The following BMP5 variants were observed in gnomAD, a reference collection of about 807,000 sequenced individuals.
BMP5 encodes bone morphogenetic protein 5.
Under a neutral mutation model 46.6 loss-of-function variants are expected in BMP5, and 23 were observed. The ratio of observed to expected loss-of-function variants is 0.49; its 90% CI spans 0.35 to 0.70. The LOEUF (loss-of-function observed/expected upper bound fraction) is 0.70. Ranked by LOEUF, BMP5 falls within the 30% of genes least tolerant of loss-of-function variation. The pLI is 0.00. For missense variants in BMP5, 545 were observed against 565.6 expected (o/e 0.96, Z 0.37); for synonymous variants, 204 against 191.9 (o/e 1.06, Z -0.52).
intron 1 of BMP5, among the ~76,000 whole-genome samples, chr6:55,841,033 A>C (rs1776935392): frequency 6.6e-6 from 1 of 152,176 alleles, no homozygotes; most frequent in African/African-American, 2.4e-5. Flanking sequence ...CAGAGCCATT[A>C]GGTTCTCATA....
At chr6:55,764,487 G>T (rs1160632329) in intron 4 of BMP5, among the ~76,000 whole-genome samples, 2 of 151,576 alleles carry the variant, frequency 1.3e-5, no homozygotes, top group African/African-American at 4.8e-5. Flanking sequence ...GCAGGAGAAC[G>T]GCGTGAACCC....
At chr6:55,785,645 A>T (rs1271503042) in intron 3 of BMP5, among the ~76,000 whole-genome samples, 1 of 151,794 alleles carries the variant, frequency 6.6e-6, no homozygotes, top group Non-Finnish European at 1.5e-5. Context: ...ATGTACAGGA[A>T]TTCTCAATGA....
intron 1 of BMP5, among the ~76,000 whole-genome samples, chr6:55,837,779 C>T (rs566418686): frequency 6.6e-6 from 1 of 152,170 alleles, no homozygotes; most frequent in African/African-American, 2.4e-5. Flanking sequence ...TACCCATTAA[C>T]CAAACCATCC....
At chr6:55,818,977 G>C (rs1435178819) in intron 2 of BMP5, among the ~76,000 whole-genome samples, 2 of 152,092 alleles carry the variant, frequency 1.3e-5, no homozygotes, top group Non-Finnish European at 2.9e-5. Context: ...CAGACAGATA[G>C]ATAGATAGAT....
intron 1 of BMP5, among the ~76,000 whole-genome samples, chr6:55,867,138 G>A (rs1023375075): frequency 1.3e-5 from 2 of 152,098 alleles, no homozygotes; most frequent in Admixed American, 1.3e-4. Context: ...GTGGCTCTCT[G>A]GCTTTCAGTG....
chr6:55,795,777 T>A (rs967370368), intron 2 of BMP5, among the ~76,000 whole-genome samples: 3 of 152,206 alleles, frequency 2.0e-5, no homozygotes, highest in Admixed American at 6.5e-5. Context: ...TATTGTCTTT[T>A]CACAATTACA....
At chr6:55,840,154 T>A (rs1268969843) in intron 1 of BMP5, among the ~76,000 whole-genome samples, 1 of 152,122 alleles carries the variant, frequency 6.6e-6, no homozygotes, top group Non-Finnish European at 1.5e-5. Flanking sequence ...ATTTCTTAAT[T>A]TTATTTTCTA....
Position 55,760,301 on chromosome 6 carries a change from T to A in BMP5, c.1104+156A>T, listed in dbSNP as rs578118663. ...TCATGTTTCAATGGTAAAAGGTTAA[T>A]TGAGAAATGAAAATAAAGTGAATAA... On this transcript the variant is annotated intron_variant, in intron 5 of 6. Coordinates refer to ENST00000370830, the MANE Select transcript of BMP5 (RefSeq NM_021073.4). Among the ~76,000 whole-genome samples, 546 of 152,154 alleles carry A rather than the reference T, an allele frequency of 3.6e-3. 2 individuals carry two copies. Among genetic ancestry groups the A allele is most frequent in the South Asian group, 0.01 (49 of 4,830 alleles).
intron 2 of BMP5, among the ~76,000 whole-genome samples, chr6:55,817,541 A>C (rs981955538): frequency 2.6e-5 from 4 of 151,616 alleles, no homozygotes; most frequent in African/African-American, 9.7e-5. Context: ...ATAGGTGGGA[A>C]TTGAACAATG....
At chr6:55,812,299 G>A (rs954124240) in intron 2 of BMP5, among the ~76,000 whole-genome samples, 3 of 152,116 alleles carry the variant, frequency 2.0e-5, no homozygotes, top group Non-Finnish European at 4.4e-5. Flanking sequence ...GGGATAAATT[G>A]GGAAGGTGGG....
intron 6 of BMP5, among the ~76,000 whole-genome samples, chr6:55,758,022 G>A (rs550444492): frequency 8.6e-5 from 13 of 151,844 alleles, no homozygotes; most frequent in East Asian, 1.9e-4. Flanking sequence ...ATGGAGAGTC[G>A]AATCTTCACA....
At chr6:55,792,746 T>G (rs1157362535) in intron 3 of BMP5, among the ~76,000 whole-genome samples, 3 of 152,078 alleles carry the variant, frequency 2.0e-5, no homozygotes, top group Admixed American at 2.0e-4. Flanking sequence ...TAAATCTCCT[T>G]GAAAAAGGTC....
At chr6:55,827,792 A>G (rs952565492) in intron 1 of BMP5, among the ~76,000 whole-genome samples, 1 of 151,862 alleles carries the variant, frequency 6.6e-6, no homozygotes, top group African/African-American at 2.4e-5. Flanking sequence ...CTGTATAATG[A>G]AAAATGGTTA....
intron 1 of BMP5, among the ~76,000 whole-genome samples, chr6:55,853,243 T>G (rs896883629): frequency 4.0e-5 from 6 of 149,086 alleles, no homozygotes; most frequent in African/African-American, 7.4e-5. Context: ...AAAATAAAAT[T>G]TGTTGCTAAT....
chr6:55,831,437 T>C (rs1341205595), intron 1 of BMP5, among the ~76,000 whole-genome samples: 1 of 152,042 alleles, frequency 6.6e-6, no homozygotes, highest in Non-Finnish European at 1.5e-5. Context: ...AACTACTATA[T>C]TATCCTTTAA....
intron 2 of BMP5, among the ~76,000 whole-genome samples, chr6:55,813,774 G>A (rs190014363): frequency 0.012 from 1,650 of 136,780 alleles, 30 homozygotes; most frequent in African/African-American, 0.046. Context: ...ATGAAAGAGC[G>A]AGACACCGTC....
chr6:55,764,995 T>C (rs902717061), intron 4 of BMP5, among the ~76,000 whole-genome samples: 1 of 152,194 alleles, frequency 6.6e-6, no homozygotes, highest in Admixed American at 6.5e-5. Flanking sequence ...ATATTTGATG[T>C]GATGGATATC....
chr6:55,758,317 C>A (rs867971755), intron 6 of BMP5, among the ~76,000 whole-genome samples: 2 of 151,778 alleles, frequency 1.3e-5, no homozygotes, highest in Non-Finnish European at 1.5e-5. Context: ...ATCGATAGGC[C>A]AGATGCTATG....
chr6:55,757,720 TA>T (rs1774644928), intron 6 of BMP5, among the ~76,000 whole-genome samples: 1 of 151,926 alleles, frequency 6.6e-6, no homozygotes, highest in African/African-American at 2.4e-5. Flanking sequence ...CATGAATCAA[TA>T]AAAAGAAGAA....
Sources: allele counts gnomAD v4.1 joint callset (sites outside exome capture counted in the v4.1 genomes callset), GRCh38; gene constraint gnomAD v4.1.1; transcripts MANE v1.5; gene names NCBI Gene and HGNC (gene_info 2026-07-23, HGNC 2026-07-21).